Variants in CSMD1 observed in about 807,000 individuals in gnomAD.
The protein encoded by CSMD1 is CUB and Sushi multiple domains 1.
A neutral mutation model predicts 417.5 loss-of-function variants in CSMD1; 213 were observed. The ratio of observed to expected loss-of-function variants is 0.51; its 90% CI spans 0.46 to 0.57. The LOEUF is 0.57. Among genes scored for constraint, CSMD1 ranks in the 20% least tolerant of loss-of-function variants. The probability of loss-of-function intolerance (pLI) is 0.00; values close to 1 mark genes in which losing one functional copy is unlikely to be tolerated. For synonymous variants in CSMD1, 2,862 were observed against 1,736.8 expected (o/e 1.65, Z -16.11); for missense variants, 6,923 against 4,529.7 (o/e 1.53, Z -15.17).
chr8:3,949,840 T>G (rs1448996033), intron 5 of CSMD1: 1 of 449,674 alleles, frequency 2.2e-6, no homozygotes, highest in Non-Finnish European at 4.5e-6. Flanking sequence ...TTTCATTGAT[T>G]GAGGGGATCC....
intron 25 of CSMD1, among the ~76,000 whole-genome samples, chr8:3,289,437 C>T (rs1001261775): frequency 1.4e-5 from 2 of 147,440 alleles, no homozygotes; most frequent in Non-Finnish European, 2.9e-5. Context: ...TTTACAGTCC[C>T]ACCAACAGTG....
At chr8:4,323,072 T>A (rs1033324939) in intron 3 of CSMD1, among the ~76,000 whole-genome samples, 4 of 149,384 alleles carry the variant, frequency 2.7e-5, no homozygotes, top group African/African-American at 9.7e-5. Flanking sequence ...AATAGAGAGT[T>A]AAGCAGCGAA....
At chr8:4,980,042 A>G (rs767328717) in intron 1 of CSMD1, among the ~76,000 whole-genome samples, 6 of 152,218 alleles carry the variant, frequency 3.9e-5, no homozygotes, top group Non-Finnish European at 8.8e-5. Flanking sequence ...ATCCCAAAAA[A>G]TAAATAAATA....
intron 7 of CSMD1, among the ~76,000 whole-genome samples, chr8:3,668,237 T>C (rs564434192): frequency 3.3e-4 from 51 of 152,326 alleles, no homozygotes; most frequent in African/African-American, 1.2e-3. Flanking sequence ...CCACCACTGC[T>C]GGATCTCATT....
chr8:4,273,583 A>G (rs1348589109), intron 3 of CSMD1, among the ~76,000 whole-genome samples: 3 of 152,176 alleles, frequency 2.0e-5, no homozygotes, highest in Admixed American at 6.5e-5. Flanking sequence ...AATATTTATC[A>G]TTTGTCGTTC....
chr8:3,556,867 C>T (rs1407487296), intron 10 of CSMD1, among the ~76,000 whole-genome samples: 2 of 152,108 alleles, frequency 1.3e-5, no homozygotes, highest in Non-Finnish European at 2.9e-5. Flanking sequence ...CAGATCTCAG[C>T]ACACTTCGTA....
chr8:4,050,690 C>T (rs1798379956), intron 3 of CSMD1, among the ~76,000 whole-genome samples: 3 of 152,016 alleles, frequency 2.0e-5, no homozygotes, highest in South Asian at 2.1e-4. Flanking sequence ...TCCCCACTTC[C>T]ATCCAAGCCC....
At chr8:3,876,161 C>A (rs1404191481) in intron 5 of CSMD1, among the ~76,000 whole-genome samples, 1 of 152,118 alleles carries the variant, frequency 6.6e-6, no homozygotes, top group East Asian at 1.9e-4. Flanking sequence ...CAGTGACAGT[C>A]ATGTTTTGTG....
At chr8:4,912,066 A>AATCCCAG (rs1443249819) in intron 1 of CSMD1, among the ~76,000 whole-genome samples, 1 of 148,656 alleles carries the variant, frequency 6.7e-6, no homozygotes, top group Non-Finnish European at 1.5e-5. Context: ...AAAAAACCTA[A>AATCCCAG]ATCCCAGTTC....
chr8:4,926,334 A>T (rs1806870627), intron 1 of CSMD1, among the ~76,000 whole-genome samples: 1 of 152,196 alleles, frequency 6.6e-6, no homozygotes, highest in Non-Finnish European at 1.5e-5. Flanking sequence ...AATTTTGTGT[A>T]ATAACCTTTG....
chr8:4,663,993 G>C (rs1280249866), intron 1 of CSMD1, among the ~76,000 whole-genome samples: 1 of 152,128 alleles, frequency 6.6e-6, no homozygotes, highest in African/African-American at 2.4e-5. Flanking sequence ...GTTGTTTCTG[G>C]TTCGGGCAAG....
intron 4 of CSMD1, among the ~76,000 whole-genome samples, chr8:4,001,905 A>AC (rs1488307574): frequency 1.3e-5 from 2 of 152,116 alleles, no homozygotes; most frequent in Non-Finnish European, 2.9e-5. Flanking sequence ...GGAAAAAAAA[A>AC]ATTCCCAAAC....
At chr8:3,661,389 T>C (rs1798408695) in intron 7 of CSMD1, among the ~76,000 whole-genome samples, 1 of 152,158 alleles carries the variant, frequency 6.6e-6, no homozygotes, top group Admixed American at 6.5e-5. Flanking sequence ...ACTTCCCTTT[T>C]TTTGTGTATA....
chr8:4,129,999 G>A (rs1001536024), intron 3 of CSMD1, among the ~76,000 whole-genome samples: 2 of 151,878 alleles, frequency 1.3e-5, no homozygotes, highest in Admixed American at 6.6e-5. Flanking sequence ...TGTTTATTGG[G>A]AATTTTGCCT....
At chr8:4,470,693 CG>C (rs1311194255) in intron 2 of CSMD1, among the ~76,000 whole-genome samples, 1 of 152,004 alleles carries the variant, frequency 6.6e-6, no homozygotes, top group Non-Finnish European at 1.5e-5. Flanking sequence ...AAGAATGGTA[CG>C]AAAGAGTAAA....
At chr8:3,919,760 C>A (rs901989232) in intron 5 of CSMD1, among the ~76,000 whole-genome samples, 1 of 151,916 alleles carries the variant, frequency 6.6e-6, no homozygotes, top group Non-Finnish European at 1.5e-5. Context: ...TATTCCAATC[C>A]AGGAACACAA....
rs187833137 is a variant in CSMD1, at chr8:4,455,112, A to G, written c.303-35047T>C. ...TTTTTCTTAAGGTCTGACACGTAAT[A>G]AAGGATGACGGATATCAAAGAGGAT... is the stretch of plus-strand genomic sequence containing the variant. On this transcript the variant is annotated intron_variant, in intron 2 of 69. Coordinates refer to ENST00000635120, the MANE Select transcript of CSMD1 (RefSeq NM_033225.6). Among the ~76,000 whole-genome samples, 588 of 152,326 alleles carry G rather than the reference A, an allele frequency of 3.9e-3. 6 individuals are homozygous for G. The highest frequency in any genetic ancestry group is 5.3e-3 in the Non-Finnish European group (364 of 68,038).
chr8:3,640,950 A>G (rs1264102347), intron 7 of CSMD1, among the ~76,000 whole-genome samples: 1 of 151,878 alleles, frequency 6.6e-6, no homozygotes, highest in African/African-American at 2.4e-5. Flanking sequence ...GCAAAAGGCG[A>G]CAAAATCGTA....
intron 1 of CSMD1, among the ~76,000 whole-genome samples, chr8:4,702,090 A>G (rs1017289834): frequency 3.3e-5 from 5 of 152,142 alleles, no homozygotes; most frequent in African/African-American, 1.2e-4. Context: ...AGGGAACAAC[A>G]CATACTGGAG....
Sources: gnomAD v4.1 joint callset for allele counts (sites outside exome capture counted in the v4.1 genomes callset) on GRCh38, gnomAD v4.1.1 for gene constraint, MANE v1.5 for transcripts, NCBI Gene and HGNC (gene_info 2026-07-23, HGNC 2026-07-21) for gene names.